ANKRD13C: variants seen among roughly 807,000 people sequenced by gnomAD.
ANKRD13C encodes the protein ankyrin repeat domain-containing protein 13C.
In ANKRD13C, 16 loss-of-function variants were observed where a neutral mutation model predicts 65.5. The ratio of observed to expected loss-of-function variants is 0.24; its 90% confidence interval spans 0.17 to 0.37. ANKRD13C has a LOEUF of 0.37. ANKRD13C is among the 10% of genes least tolerant of loss of function. The probability of loss-of-function intolerance (pLI) is 1.00; values close to 1 mark genes in which losing one functional copy is unlikely to be tolerated. For synonymous variants in ANKRD13C, 235 were observed against 238.7 expected (o/e 0.98, Z 0.14); for missense variants, 503 against 655.9 (o/e 0.77, Z 2.55).
At position 70,276,759 on chromosome 1, in the gene ANKRD13C, A is replaced by C. The variant is rs2101144915; in HGVS notation, c.1295+6T>G. 2 of 1,585,096 alleles carry C rather than the reference A, an allele frequency of 1.3e-6. No individual in the cohort carries two copies. The highest frequency in any genetic ancestry group is 1.7e-6 in the Non-Finnish European group (2 of 1,167,786). On this transcript the variant is annotated splice_donor_region_variant and intron_variant, in intron 10 of 12. Coordinates refer to ENST00000370944, the MANE Select transcript of ANKRD13C (RefSeq NM_030816.5). ...CAAATAACACATAAACAAGAAAAAA[A>C]CTTACTTTCCATTTTCAGCAGATAT... is the stretch of plus-strand genomic sequence containing the variant.
In ANKRD13C at chr1:70,265,881, G is replaced by A. The variant is rs181872492; in HGVS notation, c.1496-3034C>T. On this transcript the variant is annotated intron_variant, in intron 12 of 12. Transcript: ENST00000370944. ...AGAAAAGAAAAGAAGAAGGAAGGAA[G>A]GAAGGAATGGAGGGAGGGAAAGAGG... 4.2e-3 allele frequency among the ~76,000 whole-genome samples: 587 copies of A among 140,966 alleles called. 3 individuals carry two copies. Among genetic ancestry groups the A allele is most frequent in the South Asian group, 0.021 (86 of 4,130 alleles). The allele number at this position is 140,966 out of a possible 152,430, so 92.5% of individuals were successfully genotyped here.
At chr1:70,334,695 C>T (rs1000238578) in intron 2 of ANKRD13C, among the ~76,000 whole-genome samples, 4 of 151,924 alleles carry the variant, frequency 2.6e-5, no homozygotes, top group African/African-American at 9.7e-5. Flanking sequence ...GAGGTCAAGG[C>T]GGGTGGATCA....
chr1:70,328,211 T>A (rs547824725), intron 2 of ANKRD13C, among the ~76,000 whole-genome samples: 1 of 152,218 alleles, frequency 6.6e-6, no homozygotes, highest in African/African-American at 2.4e-5. Context: ...AAATTTTTTA[T>A]AATAAAATAT....
intron 1 of ANKRD13C, among the ~76,000 whole-genome samples, chr1:70,337,210 G>A (rs1286830056): frequency 1.3e-5 from 2 of 151,712 alleles, no homozygotes; most frequent in African/African-American, 4.8e-5. Flanking sequence ...AGAATGGAAT[G>A]GGAATTGTTG....
intron 12 of ANKRD13C, among the ~76,000 whole-genome samples, chr1:70,267,352 G>A (rs1013574375): frequency 6.6e-6 from 1 of 152,036 alleles, no homozygotes; most frequent in Non-Finnish European, 1.5e-5. Context: ...CAGACAATTG[G>A]ATCATGGTTT....
At chr1:70,330,788 G>A (rs1681760611) in intron 2 of ANKRD13C, among the ~76,000 whole-genome samples, 1 of 152,028 alleles carries the variant, frequency 6.6e-6, no homozygotes, top group Non-Finnish European at 1.5e-5. Context: ...ATTAAAAGTT[G>A]CAGCAACTGG....
intron 6 of ANKRD13C, among the ~76,000 whole-genome samples, chr1:70,304,961 G>C (rs1441900586): frequency 6.6e-6 from 1 of 151,584 alleles, no homozygotes; most frequent in Non-Finnish European, 1.5e-5. Flanking sequence ...ACCTGAAGAG[G>C]TTTTTTTAAA....
chr1:70,262,787 T>G lies in ANKRD13C; in HGVS notation c.1556A>C (p.Glu519Ala). ...TATAGTAAAGATGGAGCCATCAAAT[T>G]CATCGTATCGAAACTCCTGAAAAGT... is the stretch of plus-strand genomic sequence containing the variant. Reference protein sequence around the residue: ...TVTFQEFRYDEFDGSIFTIPD... With the variant: ...TVTFQEFRYDAFDGSIFTIPD... The change falls in exon 13 of 13, where the codon GAA becomes GCA. Residue 519 changes from glutamate (E) to alanine (A), a missense_variant. Transcript: ENST00000370944. 6.2e-7 allele frequency: 1 copy of G among 1,613,676 alleles called. No individual in the cohort carries two copies. The highest frequency in any genetic ancestry group is 8.5e-7 in the Non-Finnish European group (1 of 1,179,704).
intron 4 of ANKRD13C, 141 bp downstream of exon 4, chr1:70,315,340 T>C: frequency 1.7e-6 from 1 of 595,294 alleles, no homozygotes; most frequent in Non-Finnish European, 3.0e-6. Flanking sequence ...CATACACTAA[T>C]TATTGCTTAA....
intron 9 of ANKRD13C, among the ~76,000 whole-genome samples, chr1:70,281,489 A>T (rs1679387049): frequency 6.9e-6 from 1 of 144,514 alleles, no homozygotes; most frequent in African/African-American, 2.6e-5. Context: ...TGCAGCCATG[A>T]CCTCCTGGAC....
intron 1 of ANKRD13C, among the ~76,000 whole-genome samples, chr1:70,349,321 T>C (rs1054282201): frequency 6.6e-6 from 1 of 152,176 alleles, no homozygotes; most frequent in Admixed American, 6.5e-5. Context: ...CATAATTTTG[T>C]GTACTTTTAA....
intron 1 of ANKRD13C, among the ~76,000 whole-genome samples, chr1:70,345,641 C>T (rs916342734): frequency 6.6e-6 from 1 of 151,922 alleles, no homozygotes. Flanking sequence ...TGTACAATAG[C>T]AAAAAAACCG....
intron 11 of ANKRD13C, among the ~76,000 whole-genome samples, chr1:70,274,494 AAAG>A (rs1250399346): frequency 5.4e-5 from 8 of 147,048 alleles, no homozygotes; most frequent in African/African-American, 2.1e-4. Context: ...AAAAAAAAAA[AAAG>A]AAAGAAAGAA....
intron 9 of ANKRD13C, among the ~76,000 whole-genome samples, chr1:70,290,583 T>G (rs1679820583): frequency 6.6e-6 from 1 of 151,734 alleles, no homozygotes. Flanking sequence ...TCACCCAGGC[T>G]GGAATGCAGT....
intron 12 of ANKRD13C, among the ~76,000 whole-genome samples, chr1:70,268,497 T>C (rs1035064880): frequency 1.3e-5 from 2 of 152,042 alleles, no homozygotes; most frequent in African/African-American, 2.4e-5. Flanking sequence ...AGGAGGAGAA[T>C]AGATCCATAA....
chr1:70,293,670 T>C (rs964732763), intron 8 of ANKRD13C: 5 of 421,190 alleles, frequency 1.2e-5, no homozygotes, highest in African/African-American at 1.1e-4. Context: ...AGCCAACAAA[T>C]GGACTGCAAT....
rs1571999378 is a variant in ANKRD13C, at chr1:70,259,326, T to C, written c.*3391A>G. Among the ~76,000 whole-genome samples, 1 of 152,218 alleles carries C rather than the reference T, an allele frequency of 6.6e-6. No individual in the cohort carries two copies. Among genetic ancestry groups the C allele is most frequent in the Non-Finnish European group, 1.5e-5 (1 of 68,034 alleles). On this transcript the variant is annotated 3_prime_UTR_variant, in exon 13 of 13. Coordinates refer to ENST00000370944, the MANE Select transcript of ANKRD13C (RefSeq NM_030816.5). ...AAAACATGATGAAAACCAAGAATGATTAACAAGCACCTTTCTTAGAAGTTC... is the reference window on the plus strand; with the variant it reads ...AAAACATGATGAAAACCAAGAATGACTAACAAGCACCTTTCTTAGAAGTTC...
chr1:70,300,946 T>C, intron 6 of ANKRD13C, 38 bp from the exon 7 acceptor site: 3 of 1,571,754 alleles, frequency 1.9e-6, no homozygotes, highest in Non-Finnish European at 2.6e-6. Flanking sequence ...CTGACAAATA[T>C]AATTTTGATA....
At chr1:70,274,579 C>A in intron 11 of ANKRD13C, 141 bp downstream of exon 11, 2 of 516,976 alleles carry the variant, frequency 3.9e-6, no homozygotes, top group South Asian at 3.0e-5. Flanking sequence ...AGTTCTAGAA[C>A]AGTGCACACA....
Sources: gnomAD v4.1 joint callset for allele counts (sites outside exome capture counted in the v4.1 genomes callset) on GRCh38, gnomAD v4.1.1 for gene constraint, MANE v1.5 for transcripts, NCBI Gene and HGNC (gene_info 2026-07-23, HGNC 2026-07-21) for gene names.